The following STPG2 variants were observed in gnomAD, a reference collection of about 807,000 sequenced individuals.
The protein encoded by STPG2 is sperm tail PG-rich repeat containing 2.
A neutral mutation model predicts 54.2 loss-of-function variants in STPG2; 56 were observed. That is an observed-to-expected ratio of 1.03 (90% CI 0.83 to 1.29). The LOEUF (loss-of-function observed/expected upper bound fraction) is 1.29. Among genes scored for constraint, STPG2 ranks in the 50% most tolerant of loss-of-function variants. The pLI, the probability that STPG2 is intolerant of heterozygous loss-of-function variation, is 0.00. For synonymous variants in STPG2, 200 were observed against 181.8 expected, an observed-to-expected ratio of 1.10 and a Z score of -0.81; for missense variants, 596 against 544.9, an observed-to-expected ratio of 1.09 and a Z score of -0.93.
intron 5 of STPG2, among the ~76,000 whole-genome samples, chr4:97,988,063 CACAT>C (rs1298278090): frequency 1.6e-3 from 235 of 149,890 alleles, no homozygotes; most frequent in Admixed American, 3.1e-3. Context: ...CACACACACA[CACAT>C]ATTACCTCTC....
At chr4:97,479,136 G>GTA (rs1231420547) in intron 4 of STPG2, among the ~76,000 whole-genome samples, 1 of 151,390 alleles carries the variant, frequency 6.6e-6, no homozygotes, top group Non-Finnish European at 1.5e-5. Flanking sequence ...TTATGCATGT[G>GTA]TATACACACA....
chr4:97,457,546 C>T (rs757127141), intron 4 of STPG2, among the ~76,000 whole-genome samples: 1 of 152,170 alleles, frequency 6.6e-6, no homozygotes, highest in South Asian at 2.1e-4. Context: ...TCACCTCACA[C>T]CCCCTAGGTG....
chr4:98,081,082 A>G (rs1738328775), intron 5 of STPG2, among the ~76,000 whole-genome samples: 1 of 152,174 alleles, frequency 6.6e-6, no homozygotes, highest in Non-Finnish European at 1.5e-5. Flanking sequence ...GCAAGGAAAA[A>G]TTAATGATTG....
chr4:97,880,324 TAAC>T (rs2149163962), intron 8 of STPG2, among the ~76,000 whole-genome samples: 1 of 152,158 alleles, frequency 6.6e-6, no homozygotes, highest in African/African-American at 2.4e-5. Context: ...ATTTAAATAA[TAAC>T]AATAAAAAAG....
intron 4 of STPG2, among the ~76,000 whole-genome samples, chr4:97,518,085 A>G (rs532625861): frequency 1.0e-3 from 158 of 152,264 alleles, no homozygotes; most frequent in Non-Finnish European, 1.5e-3. Flanking sequence ...GTAGCTTTTA[A>G]GACTGCCTAG....
chr4:98,026,613 C>A (rs951806572), intron 5 of STPG2, among the ~76,000 whole-genome samples: 1 of 152,178 alleles, frequency 6.6e-6, no homozygotes, highest in Non-Finnish European at 1.5e-5. Flanking sequence ...TTCCTGTAGA[C>A]AAGCCCCAAT....
intron 4 of STPG2, among the ~76,000 whole-genome samples, chr4:97,482,214 T>C (rs988043236): frequency 2.0e-5 from 3 of 151,612 alleles, no homozygotes; most frequent in African/African-American, 7.2e-5. Context: ...CTTTTGTATG[T>C]TATTGAATAT....
chr4:97,966,888 C>T (rs1734120924), intron 7 of STPG2, among the ~76,000 whole-genome samples: 1 of 152,106 alleles, frequency 6.6e-6, no homozygotes, highest in Non-Finnish European at 1.5e-5. Flanking sequence ...ATAACCAGTA[C>T]CAGACACTGC....
At chr4:97,842,594 T>A (rs1444397081) in intron 8 of STPG2, among the ~76,000 whole-genome samples, 1 of 151,904 alleles carries the variant, frequency 6.6e-6, no homozygotes, top group Non-Finnish European at 1.5e-5. Context: ...CTTCTTCCAG[T>A]GCCTAGACTG....
intron 9 of STPG2, among the ~76,000 whole-genome samples, chr4:97,752,098 T>G (rs1209624830): frequency 6.6e-6 from 1 of 151,792 alleles, no homozygotes; most frequent in African/African-American, 2.4e-5. Context: ...TACAAAACCC[T>G]TATGATTTTG....
intron 5 of STPG2, among the ~76,000 whole-genome samples, chr4:98,010,950 T>A (rs2149282198): frequency 6.6e-6 from 1 of 152,308 alleles, no homozygotes; most frequent in East Asian, 1.9e-4. Context: ...TGATGTTATA[T>A]AACTTTGTAA....
chr4:97,986,756 G>A (rs1210867740), intron 5 of STPG2, among the ~76,000 whole-genome samples: 1 of 151,848 alleles, frequency 6.6e-6, no homozygotes, highest in Non-Finnish European at 1.5e-5. Flanking sequence ...ATTTTTCCTA[G>A]ACCATGTCTA....
At chr4:97,580,172 C>A (rs888389512) in intron 10 of STPG2, among the ~76,000 whole-genome samples, 2 of 151,924 alleles carry the variant, frequency 1.3e-5, no homozygotes, top group African/African-American at 4.8e-5. Flanking sequence ...AGCTCTTCAG[C>A]AGCAGTCAAA....
chr4:97,557,042 G>A (rs1210296302), downstream of STPG2, among the ~76,000 whole-genome samples: 1 of 152,082 alleles, frequency 6.6e-6, no homozygotes, highest in South Asian at 2.1e-4. Flanking sequence ...TTAGCAGGGC[G>A]TGGTGGCACA....
chr4:97,536,883 T>A, intron 4 of STPG2, among the ~76,000 whole-genome samples: 1 of 152,292 alleles, frequency 6.6e-6, no homozygotes, highest in East Asian at 1.9e-4. Flanking sequence ...CAATGAAGGG[T>A]GTCCTTATTC....
chr4:97,884,251 T>A (rs1478224569), intron 8 of STPG2, among the ~76,000 whole-genome samples: 1 of 152,104 alleles, frequency 6.6e-6, no homozygotes, highest in Non-Finnish European at 1.5e-5. Flanking sequence ...AACAAACTAT[T>A]ATGAGCTGAA....
At chr4:97,790,533 C>T (rs1726959441) in intron 9 of STPG2, among the ~76,000 whole-genome samples, 1 of 152,210 alleles carries the variant, frequency 6.6e-6, no homozygotes, top group South Asian at 2.1e-4. Context: ...GGATTGAGTT[C>T]CATGAAGACA....
At chr4:98,066,989 ACT>A (rs1472266030) in intron 5 of STPG2, among the ~76,000 whole-genome samples, 1 of 152,174 alleles carries the variant, frequency 6.6e-6, no homozygotes, top group Non-Finnish European at 1.5e-5. Flanking sequence ...ATGTCAAAAG[ACT>A]CAACATTCAA....
At position 97,536,783 on chromosome 4, in the gene STPG2, T is replaced by A. The variant is rs900595495; in HGVS notation, c.462+175916A>T. 3.3e-5 allele frequency among the ~76,000 whole-genome samples: 5 copies of A among 152,264 alleles called. No individual in the cohort carries two copies. In the East Asian group the frequency reaches 5.8e-4, roughly 18 times the overall value. On this transcript the variant is annotated intron_variant, in intron 4 of 4. Coordinates refer to the STPG2 transcript ENST00000522676. ...TCACAGCCAGTCTCTCTGCTAATAA[T>A]CTAAAGGGTGCTCCATCATGGAACT...
Sources: allele counts gnomAD v4.1 joint callset (sites outside exome capture counted in the v4.1 genomes callset), GRCh38; gene constraint gnomAD v4.1.1; transcripts MANE v1.5; gene names NCBI Gene and HGNC (gene_info 2026-07-23, HGNC 2026-07-21).